Variants in TNFSF4 observed in about 807,000 individuals in gnomAD.
TNFSF4 encodes the protein tumor necrosis factor ligand superfamily member 4.
TNFSF4 carries 4 observed loss-of-function variants against 7.3 expected under a neutral mutation model. The ratio of observed to expected loss-of-function variants is 0.55; its 90% CI spans 0.27 to 1.25. The LOEUF is 1.25. Among genes scored for constraint, TNFSF4 ranks in the 50% most tolerant of loss-of-function variants. The pLI is 0.12. For synonymous variants in TNFSF4, 76 were observed against 83.7 expected, an observed-to-expected ratio of 0.91 and a Z score of 0.50; for missense variants, 181 against 208.8, an observed-to-expected ratio of 0.87 and a Z score of 0.82.
At chr1:173,287,578 C>A in the TNFSF4 span, among the ~76,000 whole-genome samples, 1 of 152,074 alleles carries the variant, frequency 6.6e-6, no homozygotes, top group Non-Finnish European at 1.5e-5. Flanking sequence ...GGGCATTTAT[C>A]AATAAATGTA....
At chr1:173,313,403 T>G in the TNFSF4 span, among the ~76,000 whole-genome samples, 5 of 152,154 alleles carry the variant, frequency 3.3e-5, no homozygotes, top group Non-Finnish European at 7.4e-5. Flanking sequence ...ACTATATGCA[T>G]GCTGTGTCTA....
the TNFSF4 span, among the ~76,000 whole-genome samples, chr1:173,404,497 C>T: frequency 6.6e-6 from 1 of 152,194 alleles, no homozygotes; most frequent in African/African-American, 2.4e-5. Flanking sequence ...TGTTAATCCA[C>T]ACAACATCCC....
the TNFSF4 span, among the ~76,000 whole-genome samples, chr1:173,236,585 AG>A: frequency 6.6e-6 from 1 of 152,148 alleles, no homozygotes; most frequent in Non-Finnish European, 1.5e-5. Flanking sequence ...GAATCAATCT[AG>A]GTCTCCAACA....
chr1:173,305,657 T>C, the TNFSF4 span, among the ~76,000 whole-genome samples: 59 of 151,680 alleles, frequency 3.9e-4, no homozygotes, highest in Non-Finnish European at 2.9e-5. Context: ...ATTTTTATAC[T>C]GCTATAAAGA....
the TNFSF4 span, among the ~76,000 whole-genome samples, chr1:173,375,419 G>C: frequency 2.6e-5 from 4 of 152,166 alleles, no homozygotes; most frequent in African/African-American, 9.7e-5. Flanking sequence ...TTTAGAGAGG[G>C]GATTGAGAGG....
At chr1:173,403,467 C>A in the TNFSF4 span, among the ~76,000 whole-genome samples, 1 of 152,226 alleles carries the variant, frequency 6.6e-6, no homozygotes, top group South Asian at 2.1e-4. Context: ...TAATTTACCT[C>A]CCCATGCTTT....
chr1:173,326,545 G>A, the TNFSF4 span, among the ~76,000 whole-genome samples: 1 of 152,040 alleles, frequency 6.6e-6, no homozygotes, highest in Non-Finnish European at 1.5e-5. Flanking sequence ...GGAAATAAAG[G>A]GCATTCAATT....
At chr1:173,371,919 AG>A in the TNFSF4 span, among the ~76,000 whole-genome samples, 1 of 152,220 alleles carries the variant, frequency 6.6e-6, no homozygotes, top group Admixed American at 6.5e-5. Flanking sequence ...GTTTAGGGAT[AG>A]CCCTAATCTG....
chr1:173,173,836 C>T, the TNFSF4 span, among the ~76,000 whole-genome samples: 2 of 152,222 alleles, frequency 1.3e-5, no homozygotes, highest in Non-Finnish European at 2.9e-5. Flanking sequence ...TTCCAGGCCT[C>T]AGAGCCTGTG....
At position 173,183,771 on chromosome 1, in the gene TNFSF4, G is replaced by A. The variant is rs1649106462; in HGVS notation, c.*2745C>T. ...TCTTTTATTTGTTTCCATGTAAATA[G>A]CAATATTACTATTAACTATATTATT... is the stretch of plus-strand genomic sequence containing the variant. On this transcript the variant is annotated 3_prime_UTR_variant, in exon 3 of 3. Coordinates refer to ENST00000281834, the MANE Select transcript of TNFSF4 (RefSeq NM_003326.5). The A allele has an allele frequency of 6.6e-6, 1 of 152,030 alleles. No homozygotes were observed. Among genetic ancestry groups the A allele is most frequent in the African/African-American group, 2.4e-5 (1 of 41,364 alleles). 9.4% of individuals were successfully genotyped at this position (152,030 alleles called of 1,614,324 possible). A position where few individuals can be genotyped will look rare whatever the true frequency, so the allele number is the denominator to read the frequency against.
the TNFSF4 span, among the ~76,000 whole-genome samples, chr1:173,407,978 G>A: frequency 5.8e-4 from 88 of 152,196 alleles, no homozygotes; most frequent in African/African-American, 2.0e-3. Flanking sequence ...GAACTGCCTT[G>A]CCCCTTACAC....
chr1:173,282,318 C>T, the TNFSF4 span, among the ~76,000 whole-genome samples: 1 of 151,240 alleles, frequency 6.6e-6, no homozygotes, highest in African/African-American at 2.4e-5. Context: ...TAAGTATGTA[C>T]AATTATTATG....
At chr1:173,380,247 G>T in the TNFSF4 span, among the ~76,000 whole-genome samples, 207 of 152,262 alleles carry the variant, frequency 1.4e-3, 1 homozygote, top group Non-Finnish European at 2.4e-3. Context: ...CCTTATTAGG[G>T]AGGGACATAT....
chr1:173,382,641 G>T, the TNFSF4 span, among the ~76,000 whole-genome samples: 1 of 152,146 alleles, frequency 6.6e-6, no homozygotes, highest in African/African-American at 2.4e-5. Flanking sequence ...GGACTAGGAC[G>T]TTTAACCTAC....
the TNFSF4 span, among the ~76,000 whole-genome samples, chr1:173,437,479 C>A: frequency 6.6e-6 from 1 of 152,120 alleles, no homozygotes; most frequent in Non-Finnish European, 1.5e-5. Flanking sequence ...TCTGTACTTA[C>A]AAAGGTCTTT....
the TNFSF4 span, among the ~76,000 whole-genome samples, chr1:173,358,492 G>C: frequency 2.0e-5 from 3 of 152,138 alleles, no homozygotes; most frequent in Admixed American, 6.5e-5. Context: ...CAACCACTTT[G>C]GAAAACTATT....
chr1:173,427,399 T>C, the TNFSF4 span, among the ~76,000 whole-genome samples: 11 of 152,162 alleles, frequency 7.2e-5, no homozygotes, highest in Non-Finnish European at 1.6e-4. Context: ...CATTCCACAA[T>C]GCACGGGAGA....
the TNFSF4 span, among the ~76,000 whole-genome samples, chr1:173,308,031 T>C: frequency 3.3e-5 from 5 of 151,938 alleles, 1 homozygote; most frequent in South Asian, 1.0e-3. Context: ...AAATGCCTTG[T>C]TCAAGTCTCT....
the TNFSF4 span, chr1:173,175,100 C>T: frequency 6.6e-6 from 1 of 152,142 alleles, no homozygotes; most frequent in Non-Finnish European, 1.5e-5. Context: ...TTGAAAATGT[C>T]ATAATCTGTG....
Sources: gnomAD v4.1 joint callset for allele counts (sites outside exome capture counted in the v4.1 genomes callset) on GRCh38, gnomAD v4.1.1 for gene constraint, MANE v1.5 for transcripts, NCBI Gene and HGNC (gene_info 2026-07-23, HGNC 2026-07-21) for gene names.